The following NOS3 variants were observed in gnomAD, a reference collection of about 807,000 sequenced individuals.
The protein encoded by NOS3 is nitric oxide synthase 3.
In NOS3, 98 loss-of-function variants were observed where a neutral mutation model predicts 144.9. The observed-to-expected ratio is 0.68, with a 90% CI of 0.57 to 0.80. The LOEUF (loss-of-function observed/expected upper bound fraction) is 0.80, where lower values mean the gene tolerates loss of function less well. Among genes scored for constraint, NOS3 ranks in the 30% least tolerant of loss-of-function variants. NOS3 has a pLI of 0.00. For missense variants in NOS3, 1,465 were observed against 1,656.4 expected (o/e 0.88, Z 2.01); for synonymous variants, 714 against 702.4 (o/e 1.02, Z -0.26).
chr7:151,001,749 G>A (rs1795103767), intron 12 of NOS3, 72 bp from the exon 13 acceptor site: 8 of 1,598,242 alleles, frequency 5.0e-6, no homozygotes, highest in African/African-American at 1.3e-5. Flanking sequence ...TGTTGTGAGG[G>A]GGTTGGACCC....
intron 17 of NOS3, 23 bp from the exon 18 acceptor site, chr7:151,008,907 G>GC: frequency 6.3e-7 from 1 of 1,597,364 alleles, no homozygotes; most frequent in Non-Finnish European, 8.5e-7. Flanking sequence ...GAGGTCCTCA[G>GC]CCCTCACCGG....
intron 17 of NOS3, 42 bp downstream of exon 17, chr7:151,007,318 G>A (rs374893931): frequency 6.5e-7 from 1 of 1,545,668 alleles, no homozygotes; most frequent in Non-Finnish European, 8.7e-7. Context: ...TGCCCCCTGG[G>A]ATGCCTCCTC....
At position 150,999,210 on chromosome 7, in the gene NOS3, T is replaced by C; in HGVS notation, c.977T>C (p.Leu326Pro). The C allele has an allele frequency of 6.2e-7, 1 of 1,610,062 alleles. No homozygotes were observed. The highest frequency in any genetic ancestry group is 8.5e-7 in the Non-Finnish European group (1 of 1,178,960). Residue 326 changes from leucine to proline, a missense_variant, in exon 9 of 27, where the codon CTG (leucine) becomes CCG (proline). This residue lies in a region of NOS3 where 745 missense variants were observed against 853.9 expected (regional missense o/e 0.87). Coordinates refer to ENST00000297494, the MANE Select transcript of NOS3 (RefSeq NM_000603.5). Reference protein sequence around the residue: ...EHPTLEWFAALGLRWYALPAV... With the variant: ...EHPTLEWFAAPGLRWYALPAV... ...CCCAGGCTGGAGTGGTTTGCAGCCCTGGGCCTGCGCTGGTACGCCCTCCCG... is the reference window on the plus strand; with the variant it reads ...CCCAGGCTGGAGTGGTTTGCAGCCCCGGGCCTGCGCTGGTACGCCCTCCCG...
At chr7:151,013,670 T>C (rs1202681113) in intron 25 of NOS3, 54 bp from the exon 26 acceptor site, 1 of 1,436,722 alleles carries the variant, frequency 7.0e-7, no homozygotes, top group South Asian at 1.3e-5. Context: ...AGCCCCGGGC[T>C]GCGCCCCCGC....
chr7:150,994,034 G>A, intron 2 of NOS3, 73 bp downstream of exon 2: 1 of 1,485,878 alleles, frequency 6.7e-7, no homozygotes, highest in Non-Finnish European at 9.0e-7. Flanking sequence ...GGCTGGGAAG[G>A]TCTGGAACTT....
At chr7:151,004,242 G>A (rs554816364) in intron 14 of NOS3, among the ~76,000 whole-genome samples, 2 of 152,252 alleles carry the variant, frequency 1.3e-5, no homozygotes, top group South Asian at 2.1e-4. Context: ...GAGGCTAGGC[G>A]GGAGAATTGC....
At position 150,998,372 on chromosome 7, in the gene NOS3, G is replaced by C. The variant is rs746083381; in HGVS notation, c.598G>C (p.Asp200His). 1 of 1,612,136 alleles carries C rather than the reference G, an allele frequency of 6.2e-7. No homozygotes were observed. The highest frequency in any genetic ancestry group is 1.1e-5 in the South Asian group (1 of 90,968). Reference sequence around the variant, plus strand: ...GCTGGCTCAGGTGTTCGATGCCCGGGACTGCAGGTCTGCACAGGAAATGTT... The same window carrying C: ...GCTGGCTCAGGTGTTCGATGCCCGGCACTGCAGGTCTGCACAGGAAATGTT... ...WGKLQVFDAR[D>H]CRSAQEMFTY... The change falls in exon 6 of 27, where the codon GAC becomes CAC. Residue 200 changes from aspartate to histidine, a missense_variant. This residue lies in a region of NOS3 where 374 missense variants were observed against 377.0 expected (regional missense o/e 0.99). Coordinates refer to ENST00000297494, the MANE Select transcript of NOS3 (RefSeq NM_000603.5). The surrounding 1 kb of genome is among the most constrained non-coding windows in gnomAD (Gnocchi z 5.0).
chr7:151,013,714 C>G lies in NOS3; in HGVS notation c.3256-10C>G, dbSNP rs1425548262. ...CCACCAGGGCCCGCCCTAACCCCGC[C>G]GCCCCGCAGACCTACGTGCAGGACA... On this transcript the variant is annotated splice_polypyrimidine_tract_variant and intron_variant, in intron 25 of 26. Transcript: ENST00000297494. 1 of 1,584,690 alleles carries G rather than the reference C, an allele frequency of 6.3e-7. No individual in the cohort carries two copies. Among genetic ancestry groups the G allele is most frequent in the Non-Finnish European group, 8.6e-7 (1 of 1,166,802 alleles).
chr7:151,001,451 G>A (rs369617950), intron 11 of NOS3, 26 bp downstream of exon 11: 76 of 1,591,652 alleles, frequency 4.8e-5, no homozygotes, highest in East Asian at 2.2e-5. Context: ...GGCTCTGCCA[G>A]CCTGGGCCCA....
intron 2 of NOS3, among the ~76,000 whole-genome samples, chr7:150,994,584 G>A (rs1466524623): frequency 1.3e-5 from 2 of 152,180 alleles, no homozygotes; most frequent in African/African-American, 2.4e-5. Flanking sequence ...AGAGGTCCCA[G>A]GAGGGAGGAA....
intron 2 of NOS3, 53 bp from the exon 3 acceptor site, chr7:150,995,145 TGGGAA>T: frequency 5.0e-6 from 5 of 1,007,602 alleles, no homozygotes; most frequent in Non-Finnish European, 7.7e-6. Context: ...GGGTGACATC[TGGGAA>T]GGCTGAAAGG....
intron 9 of NOS3, 70 bp downstream of exon 9, chr7:150,999,434 C>G: frequency 1.4e-6 from 2 of 1,461,762 alleles, no homozygotes; most frequent in Non-Finnish European, 1.8e-6. Flanking sequence ...CTCACTCCAT[C>G]CCCAAAATGC....
At position 150,998,818 on chromosome 7, in the gene NOS3, C is replaced by G. The variant is rs1277695042; in HGVS notation, c.817-128C>G. ...GATGAAAAACACCAAAGGAGGGGTG[C>G]CTGGGTGGTCACGGAGACCCAGCCA... On this transcript the variant is annotated intron_variant, in intron 7 of 26. Transcript: ENST00000297494. This position sits in a 1 kb window ranked among gnomAD's most constrained non-coding sequence, Gnocchi z 5.0. 7 of 1,449,124 alleles carry G rather than the reference C, an allele frequency of 4.8e-6. No homozygotes were observed. The highest frequency in any genetic ancestry group is 6.5e-6 in the Non-Finnish European group (7 of 1,071,950). 89.8% of individuals were successfully genotyped at this position (1,449,124 alleles called of 1,614,324 possible).
rs1436377981 is a variant in NOS3, at chr7:150,998,026, A to C, written c.583-331A>C. Reference sequence around the variant, plus strand: ...GGATCATGGGGGATTTGCTGCCCACACTCCTAGGCGGCCTCTTAGACATCC... The same window carrying C: ...GGATCATGGGGGATTTGCTGCCCACCCTCCTAGGCGGCCTCTTAGACATCC... On this transcript the variant is annotated intron_variant, in intron 5 of 26. Transcript: ENST00000297494. The surrounding 1 kb of genome is among the most constrained non-coding windows in gnomAD (Gnocchi z 5.0). Among the ~76,000 whole-genome samples the C allele has an allele frequency of 6.6e-6, 1 of 151,928 alleles. No individual in the cohort carries two copies. The highest frequency in any genetic ancestry group is 1.5e-5 in the Non-Finnish European group (1 of 67,976).
intron 10 of NOS3, 112 bp downstream of exon 10, chr7:151,000,711 CAGA>C (rs1372154219): frequency 1.4e-5 from 10 of 716,696 alleles, no homozygotes; most frequent in South Asian, 3.3e-5. Context: ...TTTGGACAGG[CAGA>C]AGAAGTTCCG....
chr7:150,998,648 C>G lies in NOS3; in HGVS notation c.784C>G (p.Arg262Gly). ...CTACCGGCAGCAGGATGGCTCTGTG[C>G]GGGGGGACCCAGCCAACGTGGAGAT... ...AGYRQQDGSV[R>G]GDPANVEITE... is the part of the protein sequence containing the mutation. Residue 262 changes from arginine to glycine, a missense_variant, in exon 7 of 27, where the codon CGG becomes GGG. Around this residue, in one of 5 missense-constraint regions of NOS3, gnomAD observed 374 missense variants for 377.0 expected, o/e 0.99. Transcript: ENST00000297494. This position sits in a 1 kb window ranked among gnomAD's most constrained non-coding sequence, Gnocchi z 5.0. The G allele has an allele frequency of 6.2e-7, 1 of 1,607,784 alleles. No individual in the cohort carries two copies. The highest frequency in any genetic ancestry group is 8.5e-7 in the Non-Finnish European group (1 of 1,178,532).
intron 24 of NOS3, chr7:151,012,796 T>C (rs1384365960): frequency 3.0e-6 from 1 of 334,420 alleles, no homozygotes; most frequent in Non-Finnish European, 5.6e-6. Context: ...GACCGAGGTC[T>C]GTCCAAGACC....
Position 151,002,034 on chromosome 7 carries a change from T to G in NOS3, c.1647+69T>G. 1 of 1,585,142 alleles carries G rather than the reference T, an allele frequency of 6.3e-7. No individual in the cohort carries two copies. The highest frequency in any genetic ancestry group is 8.6e-7 in the Non-Finnish European group (1 of 1,159,848). ...TCTATCAGCATCTTCAGGGGTGCCCTGGAGGACAGGAAGTGTTACAAGTCA... is the reference window on the plus strand; with the variant it reads ...TCTATCAGCATCTTCAGGGGTGCCCGGGAGGACAGGAAGTGTTACAAGTCA... On this transcript the variant is annotated intron_variant, in intron 13 of 26. Coordinates refer to ENST00000297494, the MANE Select transcript of NOS3 (RefSeq NM_000603.5). This position sits in a 1 kb window ranked among gnomAD's most constrained non-coding sequence, Gnocchi z 4.1.
rs754919626 is a variant in NOS3 at position 151,012,453 on chromosome 7, G to A, written c.3087G>A (p.Leu1029=). The A allele has an allele frequency of 3.7e-6, 6 of 1,611,816 alleles. No homozygotes were observed. The African/African-American group carries it at 5.3e-5, about 14-fold the overall frequency. The change falls in exon 24 of 27, where the codon CTG becomes CTA. Residue 1029 remains leucine (L), a synonymous_variant. Coordinates refer to ENST00000297494, the MANE Select transcript of NOS3 (RefSeq NM_000603.5). ...TCCGGGGATTCTGGCAGGAGCGGCT[G>A]CATGACATTGAGAGCAAAGGTGAGG... ...APFRGFWQER[L]HDIESKGLQP...
Sources: allele counts gnomAD v4.1 joint callset (sites outside exome capture counted in the v4.1 genomes callset), GRCh38; gene constraint gnomAD v4.1.1; regional missense constraint gnomAD v4.1.1; non-coding constraint Gnocchi (gnomAD v3.1); transcripts MANE v1.5; gene names NCBI Gene and HGNC (gene_info 2026-07-23, HGNC 2026-07-21).